PDCD6: variants seen among roughly 807,000 people sequenced by gnomAD.
PDCD6 encodes the protein programmed cell death protein 6.
Under a neutral mutation model 28.3 loss-of-function variants are expected in PDCD6, and 12 were observed. The observed-to-expected ratio is 0.42, with a 90% confidence interval of 0.27 to 0.69. PDCD6 has a LOEUF of 0.69. PDCD6 is among the 30% of genes least tolerant of loss of function. The pLI is 0.22. For synonymous variants in PDCD6, 92 were observed against 108.0 expected (o/e 0.85, Z 0.92); for missense variants, 226 against 269.9 (o/e 0.84, Z 1.14).
chr5:301,866 C>T (rs1240447471), intron 2 of PDCD6, among the ~76,000 whole-genome samples: 1 of 148,614 alleles, frequency 6.7e-6, no homozygotes, highest in Non-Finnish European at 1.5e-5. Flanking sequence ...GAGGGTGGGT[C>T]GTCCAGTGCT....
intron 5 of PDCD6, among the ~76,000 whole-genome samples, chr5:313,486 G>A (rs1369205416): frequency 2.0e-5 from 3 of 151,810 alleles, no homozygotes; most frequent in Non-Finnish European, 4.4e-5. Context: ...TCTTTGAGAT[G>A]GAGTCTCACT....
intron 2 of PDCD6, among the ~76,000 whole-genome samples, chr5:291,495 T>C (rs1457001919): frequency 1.1e-4 from 16 of 143,196 alleles, no homozygotes; most frequent in Non-Finnish European, 2.3e-4. Context: ...TGATCTCCCA[T>C]CTCCATTCTC....
rs75793887 is a variant in PDCD6 at position 276,075 on chromosome 5, A to G, written c.163+3303A>G. 0.01 allele frequency: 11,848 copies of G among 1,166,730 alleles called. 556 individuals carry two copies. In the East Asian group the frequency reaches 0.17, roughly 17 times the overall value. 72.3% of individuals were successfully genotyped at this position (1,166,730 alleles called of 1,614,324 possible). A position where few individuals can be genotyped will look rare whatever the true frequency, so the allele number is the denominator to read the frequency against. On this transcript the variant is annotated intron_variant, in intron 2 of 5. Coordinates refer to ENST00000264933, the MANE Select transcript of PDCD6 (RefSeq NM_013232.4). ...CAACATTGTGAGACCCTGTTTCTAC[A>G]AAAAGTAAATGAGTGTAGTGGTGCA...
chr5:282,300 G>A (rs1003626665), intron 2 of PDCD6, among the ~76,000 whole-genome samples: 3 of 116,536 alleles, frequency 2.6e-5, no homozygotes, highest in Non-Finnish European at 5.3e-5. Flanking sequence ...TGTTGTTCGC[G>A]TTGAGGGTCT....
chr5:276,202 C>G (rs7705234), intron 2 of PDCD6: 2 of 1,091,222 alleles, frequency 1.8e-6, no homozygotes, highest in African/African-American at 3.4e-5. Flanking sequence ...GCACTCCAGC[C>G]TGGGAGACAG....
chr5:287,366 T>C lies in PDCD6; in HGVS notation c.163+14594T>C, dbSNP rs140944802. Among the ~76,000 whole-genome samples the C allele has an allele frequency of 3.9e-4, 59 of 152,270 alleles. No homozygotes were observed. In the East Asian group the frequency reaches 0.01, roughly 26 times the overall value. ...TCAGGACGCCACTTGAAACTGTACA[T>C]GTAGCTGAATCCCAAGCAAGTTAAG... On this transcript the variant is annotated intron_variant, in intron 2 of 5. Transcript: ENST00000264933.
At chr5:289,796 G>A (rs528577498) in intron 2 of PDCD6, 24 of 1,115,796 alleles carry the variant, frequency 2.2e-5, no homozygotes, top group Non-Finnish European at 3.2e-5. Context: ...GGTCGATTAC[G>A]TGGTCTGGGT....
intron 2 of PDCD6, among the ~76,000 whole-genome samples, chr5:285,651 G>A (rs1179133109): frequency 2.0e-5 from 3 of 151,512 alleles, no homozygotes; most frequent in Admixed American, 1.3e-4. Flanking sequence ...TGCAGCTGGC[G>A]ACCCGGGTGG....
At chr5:286,137 A>C (rs1186274136) in intron 2 of PDCD6, among the ~76,000 whole-genome samples, 2 of 134,298 alleles carry the variant, frequency 1.5e-5, no homozygotes, top group Non-Finnish European at 3.1e-5. Context: ...GCAGCTGGAG[A>C]CCCGGGGGGA....
chr5:295,644 C>G (rs1739565414), intron 2 of PDCD6, among the ~76,000 whole-genome samples: 1 of 144,558 alleles, frequency 6.9e-6, no homozygotes, highest in South Asian at 2.3e-4. Context: ...TCCTCAGGAG[C>G]CTTTTTTTTC....
intron 4 of PDCD6, chr5:308,619 C>T (rs1740688546): frequency 6.6e-6 from 1 of 152,186 alleles, no homozygotes; most frequent in Admixed American, 6.5e-5. Flanking sequence ...TGAAAGATTT[C>T]CCATAGTAAC....
chr5:308,273 T>G (rs1740658697), intron 4 of PDCD6: 1 of 152,302 alleles, frequency 6.6e-6, no homozygotes, highest in Non-Finnish European at 1.5e-5. Context: ...GAATGTGCAG[T>G]GGAAGTTGCT....
intron 2 of PDCD6, among the ~76,000 whole-genome samples, chr5:274,078 C>G (rs553049643): frequency 2.0e-5 from 3 of 152,222 alleles, no homozygotes; most frequent in Admixed American, 2.0e-4. Context: ...TAAATGTTGA[C>G]CACAGTGGAT....
At chr5:274,922 T>C (rs183702301) in intron 2 of PDCD6, among the ~76,000 whole-genome samples, 80 of 152,318 alleles carry the variant, frequency 5.3e-4, no homozygotes, top group Non-Finnish European at 1.0e-3. Flanking sequence ...GAGAATTGCC[T>C]GATGGGTGCT....
At chr5:296,816 G>T (rs946110926) in intron 2 of PDCD6, among the ~76,000 whole-genome samples, 1 of 152,078 alleles carries the variant, frequency 6.6e-6, no homozygotes, top group South Asian at 2.1e-4. Context: ...CTGAGAGTCT[G>T]TTTTCATCGA....
Position 301,604 on chromosome 5 carries a change from T to G in PDCD6, c.164-2573T>G, listed in dbSNP as rs573670972. Among the ~76,000 whole-genome samples the G allele has an allele frequency of 1.6e-4, 24 of 151,942 alleles. No homozygotes were observed. In the East Asian group the frequency reaches 1.7e-3, roughly 11 times the overall value. ...CTCGTCGAGTGCTGCTGTGTGTGTATGCCTCAGGTTCAGGTGCACCTGCCT... is the reference window on the plus strand; with the variant it reads ...CTCGTCGAGTGCTGCTGTGTGTGTAGGCCTCAGGTTCAGGTGCACCTGCCT... On this transcript the variant is annotated intron_variant, in intron 2 of 5. Coordinates refer to ENST00000264933, the MANE Select transcript of PDCD6 (RefSeq NM_013232.4).
chr5:272,911 G>A lies in PDCD6; in HGVS notation c.163+139G>A. ...AAATTGTTATTACTGCTTCGTAGTG[G>A]AGATGCTTCTGGTTTATTTTGTGGC... On this transcript the variant is annotated intron_variant, in intron 2 of 5. Transcript: ENST00000264933. 1.5e-6 allele frequency: 2 copies of A among 1,378,512 alleles called. 1 individual carries two copies. The highest frequency in any genetic ancestry group is 2.0e-6 in the Non-Finnish European group (2 of 1,017,378). The allele number at this position is 1,378,512 out of a possible 1,614,324, so 85.4% of individuals were successfully genotyped here.
chr5:276,740 A>G (rs1189404859), intron 2 of PDCD6: 1 of 984,998 alleles, frequency 1.0e-6, no homozygotes, highest in Non-Finnish European at 1.2e-6. Context: ...ACTTCAGTTA[A>G]ATTTGTGCTT....
At chr5:297,902 C>T (rs749397326) in intron 2 of PDCD6, among the ~76,000 whole-genome samples, 1 of 152,112 alleles carries the variant, frequency 6.6e-6, no homozygotes, top group Non-Finnish European at 1.5e-5. Flanking sequence ...AAAAGAAAAT[C>T]GACTTATGTT....
Sources: gnomAD v4.1 joint callset for allele counts (sites outside exome capture counted in the v4.1 genomes callset) on GRCh38, gnomAD v4.1.1 for gene constraint, MANE v1.5 for transcripts, NCBI Gene and HGNC (gene_info 2026-07-23, HGNC 2026-07-21) for gene names.